The following TNRC6B variants were observed in gnomAD, a reference collection of about 807,000 sequenced individuals.
The protein encoded by TNRC6B is trinucleotide repeat containing adaptor 6B.
A neutral mutation model predicts 203.6 loss-of-function variants in TNRC6B; 52 were observed. The ratio of observed to expected loss-of-function variants is 0.26; its 90% CI spans 0.20 to 0.32. TNRC6B has a LOEUF of 0.32. TNRC6B is among the 10% of genes least tolerant of loss of function. TNRC6B has a pLI of 1.00. For synonymous variants in TNRC6B, 838 were observed against 845.7 expected (o/e 0.99, Z 0.16); for missense variants, 1,923 against 2,286.2 (o/e 0.84, Z 3.24).
Position 40,265,479 on chromosome 22 carries a change from C to T in TNRC6B, c.1249C>T (p.Arg417Ter). 1 of 1,613,816 alleles carries T rather than the reference C, an allele frequency of 6.2e-7. No homozygotes were observed. Among genetic ancestry groups the T allele is most frequent in the Non-Finnish European group, 8.5e-7 (1 of 1,179,840 alleles). Residue 417 changes from arginine (R) to a stop codon, truncating the protein, a stop_gained, in exon 5 of 23, where the codon CGA (arginine) becomes TGA (stop). Coordinates refer to ENST00000454349, the MANE Select transcript of TNRC6B (RefSeq NM_001162501.2). LOFTEE classifies it high-confidence loss of function. ...TGCCCCTTCACAAAGCACTGGAGATCGAAAGACTGGGAGTGTTGGATCTTG... is the reference window on the plus strand; with the variant it reads ...TGCCCCTTCACAAAGCACTGGAGATTGAAAGACTGGGAGTGTTGGATCTTG... ...TDAPSQSTGD[R>*]KTGSVGSWGA...
At chr22:40,147,536 C>A (rs1366038777) in intron 3 of TNRC6B, among the ~76,000 whole-genome samples, 1 of 152,228 alleles carries the variant, frequency 6.6e-6, no homozygotes, top group Non-Finnish European at 1.5e-5. Flanking sequence ...GCCCCAATCC[C>A]TGCTTCTAAG....
intron 1 of TNRC6B, among the ~76,000 whole-genome samples, chr22:40,195,684 C>T (rs1011937660): frequency 4.6e-5 from 7 of 152,294 alleles, no homozygotes; most frequent in African/African-American, 1.4e-4. Flanking sequence ...AAACTGCTGA[C>T]CTCAGGCAAT....
intron 1 of TNRC6B, among the ~76,000 whole-genome samples, chr22:40,239,107 G>A (rs888555060): frequency 6.6e-6 from 1 of 152,184 alleles, no homozygotes; most frequent in African/African-American, 2.4e-5. Flanking sequence ...GGAGGCTGAG[G>A]CGTGAGAATC....
At chr22:40,158,421 A>G (rs1252093375) in intron 4 of TNRC6B, among the ~76,000 whole-genome samples, 1 of 152,162 alleles carries the variant, frequency 6.6e-6, no homozygotes, top group Non-Finnish European at 1.5e-5. Context: ...TGAAAATGGC[A>G]TAAGCCTATT....
intron 3 of TNRC6B, among the ~76,000 whole-genome samples, chr22:40,148,678 C>A (rs942011516): frequency 1.3e-5 from 2 of 152,190 alleles, no homozygotes; most frequent in Admixed American, 1.3e-4. Flanking sequence ...ATACGAACTC[C>A]CAGAACCTTA....
At chr22:40,067,314 C>T (rs1041389810) in intron 1 of TNRC6B, among the ~76,000 whole-genome samples, 2 of 151,992 alleles carry the variant, frequency 1.3e-5, no homozygotes, top group African/African-American at 2.4e-5. Flanking sequence ...GTAGCATGAG[C>T]GCATATCTGT....
chr22:40,046,295 T>C (rs1335084135), intron 1 of TNRC6B, among the ~76,000 whole-genome samples: 6 of 152,222 alleles, frequency 3.9e-5, no homozygotes, highest in African/African-American at 9.6e-5. Flanking sequence ...AGCGGAACTT[T>C]TAGCGCATTG....
At chr22:40,264,662 G>A in intron 4 of TNRC6B, 26 bp from the exon 5 acceptor site, 1 of 1,545,478 alleles carries the variant, frequency 6.5e-7, no homozygotes, top group Non-Finnish European at 8.7e-7. Flanking sequence ...TTGAAGCTGT[G>A]ATTAATAAGA....
At chr22:40,173,796 T>TATATATATATATATAA (rs1569007771), upstream of TNRC6B, among the ~76,000 whole-genome samples, 5 of 45,614 alleles carry the variant, frequency 1.1e-4, no homozygotes, top group Non-Finnish European at 1.5e-4. Context: ...TATATATATT[T>TATATATATATATATAA]TTTTTTTTTT....
intron 4 of TNRC6B, among the ~76,000 whole-genome samples, chr22:40,170,333 ATATATAGTTTATATATATATTATG>A (rs1238111330): frequency 0.02 from 1,600 of 78,436 alleles, 8 homozygotes; most frequent in African/African-American, 0.03. Flanking sequence ...TATATATATT[ATATATAGTTTATATATATATTATG>A]TATATAGTTT....
chr22:40,107,230 A>T (rs1354375403), intron 1 of TNRC6B, among the ~76,000 whole-genome samples: 1 of 152,126 alleles, frequency 6.6e-6, no homozygotes, highest in African/African-American at 2.4e-5. Flanking sequence ...ATTATCTTCT[A>T]AAAGCTTTAT....
intron 1 of TNRC6B, among the ~76,000 whole-genome samples, chr22:40,236,493 G>A (rs187735735): frequency 4.6e-5 from 7 of 152,228 alleles, no homozygotes; most frequent in Non-Finnish European, 7.4e-5. Context: ...CATAGTTCCC[G>A]TGTTGGGTGG....
intron 11 of TNRC6B, among the ~76,000 whole-genome samples, chr22:40,284,815 C>T (rs1027256922): frequency 2.0e-5 from 3 of 152,148 alleles, no homozygotes; most frequent in Non-Finnish European, 4.4e-5. Context: ...GAACCTCAGG[C>T]AGAGAGAACA....
rs563862673 is a variant in TNRC6B, at chr22:40,329,052, G to A, written c.*5811G>A. On this transcript the variant is annotated 3_prime_UTR_variant, in exon 23 of 23. Transcript: ENST00000454349. ...AAAAACAAAAACAAAACAAAAAAAAGCCTTGTTCTTTAATTGTGTTTTTCC... is the reference window on the plus strand; with the variant it reads ...AAAAACAAAAACAAAACAAAAAAAAACCTTGTTCTTTAATTGTGTTTTTCC... The A allele has an allele frequency of 1.3e-5, 2 of 151,826 alleles. No individual in the cohort carries two copies. The highest frequency in any genetic ancestry group is 3.9e-4 in the East Asian group (2 of 5,174). 9.4% of individuals were successfully genotyped at this position (151,826 alleles called of 1,614,324 possible).
intron 21 of TNRC6B, among the ~76,000 whole-genome samples, chr22:40,318,308 GA>G (rs2146574476): frequency 6.6e-6 from 1 of 152,254 alleles, no homozygotes; most frequent in East Asian, 1.9e-4. Flanking sequence ...AGCACTTTGG[GA>G]GGCCGAGGCG....
intron 1 of TNRC6B, among the ~76,000 whole-genome samples, chr22:40,228,685 A>C (rs2069825467): frequency 6.6e-6 from 1 of 150,376 alleles, no homozygotes; most frequent in Non-Finnish European, 1.5e-5. Flanking sequence ...ATGCCTGGCT[A>C]ATTTTTTGTA....
chr22:40,100,292 G>A (rs2068226780), intron 1 of TNRC6B, among the ~76,000 whole-genome samples: 1 of 151,312 alleles, frequency 6.6e-6, no homozygotes, highest in Admixed American at 6.6e-5. Context: ...GTCTCGCCAT[G>A]TTGCCTAGGC....
chr22:40,226,045 T>C (rs1167436511), intron 1 of TNRC6B, among the ~76,000 whole-genome samples: 6 of 152,232 alleles, frequency 3.9e-5, no homozygotes, highest in Non-Finnish European at 7.3e-5. Context: ...GGTGTATAAT[T>C]TTAGTTGAAG....
At chr22:40,113,522 T>A (rs1322969866) in intron 1 of TNRC6B, among the ~76,000 whole-genome samples, 1 of 152,056 alleles carries the variant, frequency 6.6e-6, no homozygotes, top group Non-Finnish European at 1.5e-5. Context: ...GCTGGGCTAA[T>A]TTTTTTGTGT....
Sources: allele counts gnomAD v4.1 joint callset (sites outside exome capture counted in the v4.1 genomes callset), GRCh38; gene constraint gnomAD v4.1.1; transcripts MANE v1.5; gene names NCBI Gene and HGNC (gene_info 2026-07-23, HGNC 2026-07-21).